Variants in MICAL2 observed in about 807,000 individuals in gnomAD.
The protein encoded by MICAL2 is microtubule associated monooxygenase, calponin and LIM domain containing 2.
Under a neutral mutation model 127.3 loss-of-function variants are expected in MICAL2, and 77 were observed. The observed-to-expected ratio is 0.60, with a 90% confidence interval of 0.50 to 0.73. The LOEUF is 0.73. MICAL2 is among the 30% of genes least tolerant of loss of function. The probability of loss-of-function intolerance (pLI) is 0.00; values close to 1 mark genes in which losing one functional copy is unlikely to be tolerated. For missense variants in MICAL2, 1,351 were observed against 1,434.4 expected, an observed-to-expected ratio of 0.94 and a Z score of 0.94; for synonymous variants, 570 against 551.1, an observed-to-expected ratio of 1.03 and a Z score of -0.48.
At chr11:12,291,104 G>A (rs573464913), downstream of MICAL2, among the ~76,000 whole-genome samples, 41 of 152,276 alleles carry the variant, frequency 2.7e-4, no homozygotes, top group East Asian at 9.7e-4. Flanking sequence ...CTCGTTCCAC[G>A]TGGAGGTCCT....
intron 29 of MICAL2, among the ~76,000 whole-genome samples, chr11:12,317,695 G>A (rs540619029): frequency 6.6e-6 from 1 of 152,120 alleles, no homozygotes; most frequent in South Asian, 2.1e-4. Flanking sequence ...AGGAGGCTGA[G>A]GCAGGAGAAT....
chr11:12,179,408 G>A (rs150710537), intron 3 of MICAL2, among the ~76,000 whole-genome samples: 3 of 152,164 alleles, frequency 2.0e-5, no homozygotes, highest in East Asian at 1.9e-4. Context: ...GCCCAGAGCC[G>A]CACCTAGGAG....
chr11:12,118,790 A>T (rs961696114), intron 1 of MICAL2, among the ~76,000 whole-genome samples: 2 of 152,228 alleles, frequency 1.3e-5, no homozygotes, highest in Non-Finnish European at 2.9e-5. Context: ...CAAGAGCTTG[A>T]TCTGGAGATG....
chr11:12,330,647 T>C (rs1343176273), intron 32 of MICAL2, among the ~76,000 whole-genome samples: 3 of 152,210 alleles, frequency 2.0e-5, no homozygotes, highest in African/African-American at 7.2e-5. Context: ...TCCTGCTTTC[T>C]TTTTTTACAG....
At chr11:12,338,069 T>C (rs1938798049) in intron 32 of MICAL2, among the ~76,000 whole-genome samples, 1 of 152,142 alleles carries the variant, frequency 6.6e-6, no homozygotes, top group Admixed American at 6.5e-5. Context: ...AAGTCTCCCA[T>C]TATTATTGTG....
intron 32 of MICAL2, among the ~76,000 whole-genome samples, chr11:12,347,722 C>G (rs1938977717): frequency 6.6e-6 from 1 of 151,984 alleles, no homozygotes; most frequent in Admixed American, 6.5e-5. Context: ...TATAAATAAT[C>G]TAGAAATTAT....
At position 12,212,757 on chromosome 11, in the gene MICAL2, G is replaced by A. The variant is rs531456045; in HGVS notation, c.692-498G>A. Among the ~76,000 whole-genome samples the A allele has an allele frequency of 3.0e-4, 43 of 145,138 alleles. 1 individual carries two copies. The East Asian group carries it at 4.7e-3, about 16-fold the overall frequency. On this transcript the variant is annotated intron_variant, in intron 6 of 27. Transcript: ENST00000683283. The stretch of plus-strand genomic sequence containing the variant: ...AACACATGAATTTGTGTGTGTGTGT[G>A]TTGGAGAGGCACATAATACAACCCA...
intron 14 of MICAL2, among the ~76,000 whole-genome samples, chr11:12,226,655 T>C (rs1005543115): frequency 2.0e-5 from 2 of 102,422 alleles, no homozygotes; most frequent in African/African-American, 6.2e-5. Flanking sequence ...TTTTTGGTTT[T>C]TTTTTTTTTT....
At chr11:12,165,980 G>A (rs776916974) in intron 3 of MICAL2, among the ~76,000 whole-genome samples, 12 of 152,214 alleles carry the variant, frequency 7.9e-5, no homozygotes, top group Non-Finnish European at 1.8e-4. Context: ...AGGGTGAACT[G>A]AGGATCATGC....
intron 4 of MICAL2, 43 bp downstream of exon 4, chr11:12,204,500 G>C: frequency 1.3e-6 from 2 of 1,589,512 alleles, no homozygotes; most frequent in Non-Finnish European, 1.7e-6. Flanking sequence ...GGAGGGGACT[G>C]ACCCTGGGTG....
chr11:12,257,606 G>A (rs1862493830), intron 24 of MICAL2, among the ~76,000 whole-genome samples: 2 of 152,120 alleles, frequency 1.3e-5, no homozygotes, highest in South Asian at 4.2e-4. Context: ...CACCTCCTAA[G>A]CATGGAACCT....
chr11:12,213,428 C>T lies in MICAL2; in HGVS notation c.847+18C>T, dbSNP rs1352618199. The T allele has an allele frequency of 1.2e-6, 2 of 1,609,192 alleles. No individual in the cohort carries two copies. The highest frequency in any genetic ancestry group is 1.3e-5 in the African/African-American group (1 of 74,592). ...AGAAACAGGTGGGACCTTCACCTTT[C>T]TCCCAACCAGGCCAAGGTCTAAAGT... On this transcript the variant is annotated intron_variant, in intron 7 of 27. Coordinates refer to ENST00000683283, the MANE Select transcript of MICAL2 (RefSeq NM_001282663.2).
At chr11:12,233,730 A>G (rs7930902) in intron 15 of MICAL2, among the ~76,000 whole-genome samples, 61,695 of 152,160 alleles carry the variant, frequency 0.41, 13,935 homozygotes, top group Middle Eastern at 0.54. Context: ...GGAAAAGAAC[A>G]TAAGTTATTT....
Position 12,239,590 on chromosome 11 carries a change from G to A in MICAL2, c.2214+5G>A. The A allele has an allele frequency of 6.2e-7, 1 of 1,613,642 alleles. No individual in the cohort carries two copies. Among genetic ancestry groups the A allele is most frequent in the Non-Finnish European group, 8.5e-7 (1 of 1,179,820 alleles). On this transcript the variant is annotated splice_donor_5th_base_variant and intron_variant, in intron 17 of 27. Transcript: ENST00000683283. ...AACCCCTCACTCATGAAGCAGGTGA[G>A]TCATGTCAAATACTCACTGGACCTA... is the stretch of plus-strand genomic sequence containing the variant.
At chr11:12,285,984 G>A (rs1590721092) in intron 2 of MICAL2, among the ~76,000 whole-genome samples, 1 of 152,190 alleles carries the variant, frequency 6.6e-6, no homozygotes, top group African/African-American at 2.4e-5. Context: ...TGATGGAGGC[G>A]CAGGGGCCTG....
At chr11:12,354,340 C>G (rs7925127) in intron 33 of MICAL2, among the ~76,000 whole-genome samples, 3,113 of 152,214 alleles carry the variant, frequency 0.02, 107 homozygotes, top group African/African-American at 0.071. Context: ...AGCCCAGTGG[C>G]AGATGCCTGT....
At chr11:12,281,409 G>A (rs760020811) in intron 2 of MICAL2, among the ~76,000 whole-genome samples, 23 of 152,214 alleles carry the variant, frequency 1.5e-4, no homozygotes, top group Admixed American at 9.8e-4. Context: ...TGGAGTGATC[G>A]CTCTCCTGCC....
intron 2 of MICAL2, among the ~76,000 whole-genome samples, chr11:12,149,722 G>A (rs748662326): frequency 1.3e-5 from 2 of 152,184 alleles, no homozygotes; most frequent in Non-Finnish European, 2.9e-5. Flanking sequence ...GGGGTTGCAA[G>A]GGAAATTGGC....
chr11:12,206,815 T>G (rs1240191367), intron 4 of MICAL2, among the ~76,000 whole-genome samples: 8 of 152,094 alleles, frequency 5.3e-5, no homozygotes, highest in Non-Finnish European at 1.2e-4. Context: ...GATCACAGCT[T>G]ATGCCTCCTT....
Sources: gnomAD v4.1 joint callset for allele counts (sites outside exome capture counted in the v4.1 genomes callset) on GRCh38, gnomAD v4.1.1 for gene constraint, MANE v1.5 for transcripts, NCBI Gene and HGNC (gene_info 2026-07-23, HGNC 2026-07-21) for gene names.